UBA52: variants seen among roughly 807,000 people sequenced by gnomAD.
The protein encoded by UBA52 is ubiquitin-ribosomal protein eL40 fusion protein.
In UBA52, 1 loss-of-function variant was observed where a neutral mutation model predicts 15.3. That is an observed-to-expected ratio of 0.07 (90% CI 0.02 to 0.31). The LOEUF is 0.31. UBA52 is among the 10% of genes least tolerant of loss of function. The pLI is 1.00. For synonymous variants in UBA52, 50 were observed against 58.3 expected, an observed-to-expected ratio of 0.86 and a Z score of 0.65; for missense variants, 87 against 168.0, an observed-to-expected ratio of 0.52 and a Z score of 2.66.
chr19:18,570,824 AT>A (rs1975454730), upstream of UBA52, among the ~76,000 whole-genome samples: 1 of 151,610 alleles, frequency 6.6e-6, no homozygotes, highest in Admixed American at 6.6e-5. Context: ...AGTAGCTGGG[AT>A]TACAGGCATG....
At chr19:18,568,672 C>T (rs775508722), upstream of UBA52, 4 of 1,486,600 alleles carry the variant, frequency 2.7e-6, no homozygotes, top group Non-Finnish European at 2.8e-6. Flanking sequence ...AGGGCAGCAG[C>T]ATACAAGGTG....
rs1975796174 is a variant in UBA52 at position 18,576,674 on chromosome 19, T to TG, written c.*1524_*1525insG. On this transcript the variant is annotated 3_prime_UTR_variant, in exon 5 of 5. Transcript: ENST00000442744. ...GGTTTTTTATCACTTTTTTTTTTTT[T>TG]TTTTGAGATGGAGCCTTGCTCCCAT... The TG allele has an allele frequency of 6.6e-6, 1 of 151,520 alleles. No individual in the cohort carries two copies. The highest frequency in any genetic ancestry group is 2.4e-5 in the African/African-American group (1 of 41,144). The allele number at this position is 151,520 out of a possible 1,614,324, so 9.4% of individuals were successfully genotyped here. A position where few individuals can be genotyped will look rare whatever the true frequency, so the allele number is the denominator to read the frequency against.
Position 18,576,562 on chromosome 19 carries a change from C to T in UBA52, c.*1412C>T, listed in dbSNP as rs534317294. The stretch of plus-strand genomic sequence containing the variant: ...GACTGCATGCTTGTGCCACCACACT[C>T]GGTTAATATTTTGTAGAGATGGGGT... On this transcript the variant is annotated 3_prime_UTR_variant, in exon 5 of 5. Coordinates refer to ENST00000442744, the MANE Select transcript of UBA52 (RefSeq NM_001033930.3). The T allele has an allele frequency of 6.6e-6, 1 of 152,064 alleles. No individual in the cohort carries two copies. Among genetic ancestry groups the T allele is most frequent in the African/African-American group, 2.4e-5 (1 of 41,452 alleles). 9.4% of individuals were successfully genotyped at this position (152,064 alleles called of 1,614,324 possible). A position where few individuals can be genotyped will look rare whatever the true frequency, so the allele number is the denominator to read the frequency against.
chr19:18,573,575 C>G (rs1032440969), intron 2 of UBA52, 87 bp from the exon 3 acceptor site: 10 of 1,464,530 alleles, frequency 6.8e-6, no homozygotes, highest in Middle Eastern at 1.7e-4. Context: ...TTTTGAGAAA[C>G]TGGGGGTAGT....
chr19:18,568,193 G>T (rs896912425), upstream of UBA52, among the ~76,000 whole-genome samples: 1 of 151,576 alleles, frequency 6.6e-6, no homozygotes, highest in South Asian at 2.1e-4. Flanking sequence ...CTTGAACCCG[G>T]GAGACGGAGG....
upstream of UBA52, chr19:18,567,468 C>G: frequency 1.4e-6 from 1 of 710,570 alleles, no homozygotes; most frequent in Non-Finnish European, 2.6e-6. Context: ...CATCTCAGAA[C>G]AGAGCACGGG....
chr19:18,570,360 A>G (rs114210833), upstream of UBA52, among the ~76,000 whole-genome samples: 1,689 of 152,010 alleles, frequency 0.011, 34 homozygotes, highest in African/African-American at 0.036. Flanking sequence ...ACACCTGGAT[A>G]GTTCAAAATA....
chr19:18,567,135 G>T, upstream of UBA52: 1 of 1,614,072 alleles, frequency 6.2e-7, no homozygotes, highest in Non-Finnish European at 8.5e-7. Flanking sequence ...CCTGCAGGAC[G>T]CTGAAAGGGA....
chr19:18,573,203 A>T, intron 1 of UBA52, 90 bp from the exon 2 acceptor site: 1 of 1,306,644 alleles, frequency 7.7e-7, no homozygotes, highest in East Asian at 2.4e-5. Context: ...GTGCAGGCAA[A>T]GGGATAGCAA....
At chr19:18,567,027 C>T (rs1410186947), upstream of UBA52, 1 of 976,898 alleles carries the variant, frequency 1.0e-6, no homozygotes. Context: ...GGTTCTCACT[C>T]CCGTCTCCCC....
chr19:18,565,728 C>T, the UBA52 span, among the ~76,000 whole-genome samples: 1 of 152,158 alleles, frequency 6.6e-6, no homozygotes. Flanking sequence ...TGCTCTGTCG[C>T]CCAGGCTGGA....
At chr19:18,564,149 C>T in the UBA52 span, among the ~76,000 whole-genome samples, 1 of 151,348 alleles carries the variant, frequency 6.6e-6, no homozygotes, top group Non-Finnish European at 1.5e-5. Flanking sequence ...CCTCCCAAAG[C>T]GCTGGAATTG....
At chr19:18,570,901 C>T (rs1002862693), upstream of UBA52, among the ~76,000 whole-genome samples, 1 of 150,128 alleles carries the variant, frequency 6.7e-6, no homozygotes, top group Non-Finnish European at 1.5e-5. Context: ...TGGTCAGGCT[C>T]GTCTCGAACT....
At chr19:18,571,844 C>G (rs1263850275), upstream of UBA52, 1 of 152,532 alleles carries the variant, frequency 6.6e-6, no homozygotes, top group Non-Finnish European at 1.5e-5. Context: ...TAGGTGGTTT[C>G]CGGTTCCGCT....
At chr19:18,573,457 C>A in intron 2 of UBA52, 54 bp downstream of exon 2, 1 of 1,482,704 alleles carries the variant, frequency 6.7e-7, no homozygotes, top group Non-Finnish European at 9.4e-7. Flanking sequence ...TCCCTCTCTG[C>A]CCAGGGGAGT....
the UBA52 span, among the ~76,000 whole-genome samples, chr19:18,564,327 A>G: frequency 6.6e-5 from 10 of 152,102 alleles, no homozygotes; most frequent in Non-Finnish European, 1.5e-4. Flanking sequence ...GTGGAATTAA[A>G]AGAGTCTGAT....
chr19:18,574,315 A>G (rs941009936), intron 3 of UBA52, among the ~76,000 whole-genome samples: 1 of 151,662 alleles, frequency 6.6e-6, no homozygotes, highest in Non-Finnish European at 1.5e-5. Flanking sequence ...TTTTTGTGAG[A>G]CAGAGTCTTA....
At chr19:18,566,666 G>T in the UBA52 span, among the ~76,000 whole-genome samples, 2 of 151,960 alleles carry the variant, frequency 1.3e-5, no homozygotes, top group Non-Finnish European at 2.9e-5. Flanking sequence ...GGTGGCACGT[G>T]CCTGTAATCC....
upstream of UBA52, among the ~76,000 whole-genome samples, chr19:18,569,944 T>C (rs10405975): frequency 0.024 from 3,695 of 152,176 alleles, 149 homozygotes; most frequent in African/African-American, 0.083. Context: ...TGAGGCAGAA[T>C]TGCTTGAATC....
Sources: gnomAD v4.1 joint callset for allele counts (sites outside exome capture counted in the v4.1 genomes callset) on GRCh38, gnomAD v4.1.1 for gene constraint, MANE v1.5 for transcripts, NCBI Gene and HGNC (gene_info 2026-07-23, HGNC 2026-07-21) for gene names.